INVS: variants seen among roughly 807,000 people sequenced by gnomAD.
The protein encoded by INVS is inversion of embryo turning homolog.
A neutral mutation model predicts 108.8 loss-of-function variants in INVS; 86 were observed. The ratio of observed to expected loss-of-function variants is 0.79; its 90% CI spans 0.66 to 0.95. The LOEUF is 0.95. Among genes scored for constraint, INVS ranks in the 40% least tolerant of loss-of-function variants. The pLI is 0.00. For synonymous variants in INVS, 455 were observed against 473.5 expected (o/e 0.96, Z 0.51); for missense variants, 1,169 against 1,297.4 (o/e 0.90, Z 1.52).
intron 13 of INVS, among the ~76,000 whole-genome samples, chr9:100,287,441 G>C (rs1446375078): frequency 6.6e-6 from 1 of 152,180 alleles, no homozygotes; most frequent in Admixed American, 6.5e-5. Context: ...TAAACAATCT[G>C]TCATAGTTCC....
intron 3 of INVS, among the ~76,000 whole-genome samples, chr9:100,216,925 G>A (rs755886436): frequency 6.6e-6 from 1 of 152,126 alleles, no homozygotes; most frequent in Non-Finnish European, 1.5e-5. Context: ...CCCACCACCT[G>A]GGCATGATCT....
At chr9:100,295,179 CCTT>C (rs1318896818) in intron 14 of INVS, among the ~76,000 whole-genome samples, 3 of 152,200 alleles carry the variant, frequency 2.0e-5, no homozygotes, top group African/African-American at 7.2e-5. Flanking sequence ...TGAAATGTCT[CCTT>C]CTCCGACTGT....
chr9:100,298,379 T>C (rs1833852777), intron 16 of INVS: 1 of 944,000 alleles, frequency 1.1e-6, no homozygotes, highest in Non-Finnish European at 1.3e-6. Context: ...TTCTCCAAGA[T>C]GGGAAGAACA....
chr9:100,229,632 T>G, intron 4 of INVS, 28 bp from the exon 5 acceptor site: 6 of 1,610,198 alleles, frequency 3.7e-6, no homozygotes, highest in Non-Finnish European at 5.1e-6. Context: ...GTTACTGTTG[T>G]TATTTCGAGA....
chr9:100,144,979 A>G (rs765019948), intron 3 of INVS, among the ~76,000 whole-genome samples: 6 of 152,180 alleles, frequency 3.9e-5, no homozygotes, highest in Non-Finnish European at 7.3e-5. Flanking sequence ...AACAAGAATT[A>G]TCTAGATCTT....
At chr9:100,177,191 G>T (rs368575497) in intron 3 of INVS, among the ~76,000 whole-genome samples, 1 of 151,978 alleles carries the variant, frequency 6.6e-6, no homozygotes, top group Admixed American at 6.6e-5. Flanking sequence ...GCAAAAAACC[G>T]GGCGGCCATT....
chr9:100,236,353 C>T (rs778814683), intron 5 of INVS, among the ~76,000 whole-genome samples: 11 of 152,226 alleles, frequency 7.2e-5, no homozygotes, highest in African/African-American at 2.7e-4. Context: ...AAGTCTTCTT[C>T]TGTCAATTCA....
intron 2 of INVS, among the ~76,000 whole-genome samples, chr9:100,116,251 GAGT>G (rs1317701587): frequency 3.3e-5 from 5 of 151,836 alleles, no homozygotes; most frequent in Non-Finnish European, 1.5e-5. Context: ...TTACAGACAT[GAGT>G]CCAGCCACTG....
chr9:100,195,854 A>G (rs1830358205), intron 3 of INVS, among the ~76,000 whole-genome samples: 1 of 152,186 alleles, frequency 6.6e-6, no homozygotes, highest in African/African-American at 2.4e-5. Context: ...CTTTTTATGT[A>G]TTGCTCAATT....
Position 100,302,139 on chromosome 9 carries a change from A to AAAT in INVS, c.*1468_*1470dup, listed in dbSNP as rs891860282. ...ATCTATTACATCAGTCTTTTTCTTC[A>AAAT]AATAAGATAGATGTGAATAAACAAC... On this transcript the variant is annotated 3_prime_UTR_variant, in exon 17 of 17. Coordinates refer to ENST00000262457, the MANE Select transcript of INVS (RefSeq NM_014425.5). 23 of 1,116,186 alleles carry AAAT rather than the reference A, an allele frequency of 2.1e-5. No homozygotes were observed. The Admixed American group carries it at 5.3e-4, about 26-fold the overall frequency. The allele number at this position is 1,116,186 out of a possible 1,614,324, so 69.1% of individuals were successfully genotyped here. A position where few individuals can be genotyped will look rare whatever the true frequency, so the allele number is the denominator to read the frequency against.
chr9:100,183,957 G>C (rs951709419), intron 3 of INVS, among the ~76,000 whole-genome samples: 2 of 151,862 alleles, frequency 1.3e-5, no homozygotes, highest in Non-Finnish European at 2.9e-5. Context: ...ACATATATAT[G>C]ATATCTACAG....
In INVS at chr9:100,297,153, GTCC is replaced by G; in HGVS notation, c.3016+9_3016+11del. 1 of 1,610,198 alleles carries G rather than the reference GTCC, an allele frequency of 6.2e-7. No homozygotes were observed. Among genetic ancestry groups the G allele is most frequent in the Non-Finnish European group, 8.5e-7 (1 of 1,176,684 alleles). Reference sequence around the variant, plus strand: ...GTGCTTAAGCAAATCTATGGTAACTGTCCTTCTGCCTACTTTGTAGTTCACAAG... The same window carrying G: ...GTGCTTAAGCAAATCTATGGTAACTGTTCTGCCTACTTTGTAGTTCACAAG... On this transcript the variant is annotated splice_region_variant and intron_variant, in intron 15 of 16. Coordinates refer to ENST00000262457, the MANE Select transcript of INVS (RefSeq NM_014425.5).
chr9:100,299,599 AACC>A (rs869122467), intron 16 of INVS, among the ~76,000 whole-genome samples: 11 of 135,786 alleles, frequency 8.1e-5, no homozygotes, highest in Non-Finnish European at 1.7e-4. Flanking sequence ...CAGCCTTGCA[AACC>A]ACCCACCAAG....
intron 10 of INVS, among the ~76,000 whole-genome samples, chr9:100,260,103 C>A (rs1297731623): frequency 6.6e-6 from 1 of 151,808 alleles, no homozygotes; most frequent in Admixed American, 6.6e-5. Context: ...AATTCCTGAC[C>A]TTGTGATCTG....
intron 3 of INVS, among the ~76,000 whole-genome samples, chr9:100,173,407 C>T (rs1012153599): frequency 6.6e-6 from 1 of 152,120 alleles, no homozygotes; most frequent in African/African-American, 2.4e-5. Context: ...CAAAGGACAG[C>T]ATTTGGGGCA....
chr9:100,225,158 C>T (rs59730136), intron 3 of INVS, among the ~76,000 whole-genome samples: 2,099 of 150,792 alleles, frequency 0.014, 38 homozygotes, highest in African/African-American at 0.049. Context: ...CCCAGGTTCA[C>T]GCCATTCTGC....
At chr9:100,206,805 G>A (rs926571891) in intron 3 of INVS, among the ~76,000 whole-genome samples, 3 of 151,404 alleles carry the variant, frequency 2.0e-5, no homozygotes, top group African/African-American at 7.3e-5. Context: ...TCATTAATCT[G>A]CAACAGTTTT....
intron 3 of INVS, among the ~76,000 whole-genome samples, chr9:100,174,341 G>A (rs1829641137): frequency 6.6e-6 from 1 of 151,894 alleles, no homozygotes. Flanking sequence ...GGGCTTATCA[G>A]CAGATTGGAG....
chr9:100,271,483 G>A (rs1034335236), intron 11 of INVS, among the ~76,000 whole-genome samples: 1 of 152,216 alleles, frequency 6.6e-6, no homozygotes. Context: ...TTTCACATGA[G>A]AGCAGATCTA....
Sources: allele counts gnomAD v4.1 joint callset (sites outside exome capture counted in the v4.1 genomes callset), GRCh38; gene constraint gnomAD v4.1.1; transcripts MANE v1.5; gene names NCBI Gene and HGNC (gene_info 2026-07-23, HGNC 2026-07-21).